Variants in EHMT1 observed in about 807,000 individuals in gnomAD.
EHMT1 encodes histone-lysine N-methyltransferase EHMT1.
A neutral mutation model predicts 147.2 loss-of-function variants in EHMT1; 15 were observed. The observed-to-expected ratio is 0.10, with a 90% CI of 0.07 to 0.16. The LOEUF is 0.16. Among genes scored for constraint, EHMT1 ranks in the 10% least tolerant of loss-of-function variants. The pLI is 1.00. For synonymous variants in EHMT1, 795 were observed against 709.6 expected (o/e 1.12, Z -1.91); for missense variants, 1,587 against 1,772.4 (o/e 0.90, Z 1.88).
At chr9:137,623,742 G>A (rs1032159645) in intron 1 of EHMT1, among the ~76,000 whole-genome samples, 7 of 152,256 alleles carry the variant, frequency 4.6e-5, no homozygotes, top group Non-Finnish European at 7.4e-5. Context: ...TATTCTGCCC[G>A]TGCGCTTAGT....
At chr9:137,699,457 G>A (rs1442844055) in intron 1 of EHMT1, among the ~76,000 whole-genome samples, 1 of 152,128 alleles carries the variant, frequency 6.6e-6, no homozygotes, top group Non-Finnish European at 1.5e-5. Context: ...CAGATCACTC[G>A]AGGTCAGGAG....
In EHMT1 at chr9:137,645,481, T is replaced by C. The variant is rs558211773; in HGVS notation, c.21+26432T>C. ...ATGAGAATGCACATGGCGTCTGCCTTGTACTTACAGAAGCCCTTGTGTCCT... is the reference window on the plus strand; with the variant it reads ...ATGAGAATGCACATGGCGTCTGCCTCGTACTTACAGAAGCCCTTGTGTCCT... On this transcript the variant is annotated intron_variant, in intron 1 of 26. Coordinates refer to ENST00000460843, the MANE Select transcript of EHMT1 (RefSeq NM_024757.5). Among the ~76,000 whole-genome samples, 29 of 152,362 alleles carry C rather than the reference T, an allele frequency of 1.9e-4. No homozygotes were observed. The East Asian group carries it at 3.7e-3, about 19-fold the overall frequency.
intron 1 of EHMT1, among the ~76,000 whole-genome samples, chr9:137,628,704 G>T (rs1843424384): frequency 6.6e-6 from 1 of 152,214 alleles, no homozygotes; most frequent in Admixed American, 6.6e-5. Context: ...TGGTCGGAAG[G>T]TTCTGGAGTC....
At chr9:137,720,974 G>A (rs1322769441) in intron 3 of EHMT1, among the ~76,000 whole-genome samples, 1 of 152,042 alleles carries the variant, frequency 6.6e-6, no homozygotes, top group South Asian at 2.1e-4. Context: ...CACGCCCACC[G>A]GCGATGTTGC....
At chr9:137,666,698 T>C (rs1040776680) in intron 1 of EHMT1, among the ~76,000 whole-genome samples, 2 of 152,164 alleles carry the variant, frequency 1.3e-5, no homozygotes, top group Non-Finnish European at 2.9e-5. Flanking sequence ...GTAGTCCCCG[T>C]CCACACGTGT....
chr9:137,684,031 TTTG>T (rs1270424035), intron 1 of EHMT1, among the ~76,000 whole-genome samples: 2 of 150,584 alleles, frequency 1.3e-5, no homozygotes, highest in African/African-American at 5.0e-5. Flanking sequence ...TGTTTGTTTG[TTTG>T]TTTTTTTGCT....
chr9:137,760,869 G>A lies in EHMT1; in HGVS notation c.1502-1806G>A, dbSNP rs147249966. Among the ~76,000 whole-genome samples the A allele has an allele frequency of 3.5e-3, 537 of 152,318 alleles. 5 individuals are homozygous for A. Among genetic ancestry groups the A allele is most frequent in the African/African-American group, 0.012 (514 of 41,570 alleles). Reference sequence around the variant, plus strand: ...CTGAAATACAAAAAATTAGCCAGGCGTGGTGGCGGGCGCCTGTAGTCCCAG... The same window carrying A: ...CTGAAATACAAAAAATTAGCCAGGCATGGTGGCGGGCGCCTGTAGTCCCAG... On this transcript the variant is annotated intron_variant, in intron 9 of 26. Coordinates refer to ENST00000460843, the MANE Select transcript of EHMT1 (RefSeq NM_024757.5).
At chr9:137,682,098 C>T (rs1427692037) in intron 1 of EHMT1, among the ~76,000 whole-genome samples, 1 of 151,860 alleles carries the variant, frequency 6.6e-6, no homozygotes. Flanking sequence ...CTACAGGCGC[C>T]CCCACCACGC....
chr9:137,619,816 C>T (rs1054096953), intron 1 of EHMT1, among the ~76,000 whole-genome samples: 7 of 152,046 alleles, frequency 4.6e-5, no homozygotes, highest in African/African-American at 1.4e-4. Context: ...AGATTAAAGT[C>T]TTGCGAGTGG....
At chr9:137,809,634 C>G (rs1014742343) in intron 18 of EHMT1, among the ~76,000 whole-genome samples, 4 of 152,264 alleles carry the variant, frequency 2.6e-5, no homozygotes, top group African/African-American at 9.6e-5. Flanking sequence ...ACCAGCAGAG[C>G]AGAACACACT....
At chr9:137,631,725 A>C (rs1458174980) in intron 1 of EHMT1, among the ~76,000 whole-genome samples, 2 of 151,958 alleles carry the variant, frequency 1.3e-5, no homozygotes, top group Non-Finnish European at 2.9e-5. Context: ...AAAATAATGA[A>C]AAATTAGTTG....
In EHMT1 at chr9:137,779,651, T is replaced by C. The variant is rs757661715; in HGVS notation, c.2209T>C (p.Phe737Leu). ...LDSEKPKKLR[F>L]HPKQLYFSAR... Reference sequence around the variant, plus strand: ...TTCCCACAGACCCAAGAAGCTTCGCTTCCACCCAAAGCAGCTGTACTTCTC... The same window carrying C: ...TTCCCACAGACCCAAGAAGCTTCGCCTCCACCCAAAGCAGCTGTACTTCTC... Residue 737 changes from phenylalanine to leucine, a missense_variant, in exon 14 of 27, where the codon TTC becomes CTC. Transcript: ENST00000460843. 1 of 1,613,964 alleles carries C rather than the reference T, an allele frequency of 6.2e-7. No individual in the cohort carries two copies. The highest frequency in any genetic ancestry group is 8.5e-7 in the Non-Finnish European group (1 of 1,180,040).
intron 4 of EHMT1, among the ~76,000 whole-genome samples, chr9:137,728,828 G>A (rs1946849383): frequency 6.6e-6 from 1 of 152,174 alleles, no homozygotes; most frequent in African/African-American, 2.4e-5. Context: ...CCCTGGAGTT[G>A]GAAGCTTTCC....
intron 1 of EHMT1, among the ~76,000 whole-genome samples, chr9:137,624,088 C>A (rs184216290): frequency 6.6e-6 from 1 of 150,856 alleles, no homozygotes; most frequent in Non-Finnish European, 1.5e-5. Context: ...CAACCTCCGT[C>A]TCCTGGGCTC....
intron 1 of EHMT1, among the ~76,000 whole-genome samples, chr9:137,677,864 C>T (rs933398823): frequency 4.6e-5 from 7 of 151,420 alleles, no homozygotes; most frequent in Middle Eastern, 3.4e-3. Flanking sequence ...TGAGACCATC[C>T]TGGCTAATAC....
chr9:137,689,794 G>A lies in EHMT1; in HGVS notation c.22-21173G>A, dbSNP rs77064643. Among the ~76,000 whole-genome samples the A allele has an allele frequency of 7.1e-3, 1,082 of 152,358 alleles. 6 individuals are homozygous for A. The highest frequency in any genetic ancestry group is 0.01 in the Non-Finnish European group (705 of 68,040). Reference sequence around the variant, plus strand: ...ATGTGTGAATAAAGAGCTAAGGAGGGTGAGAGAGATAAGCTGCATAGACAT... The same window carrying A: ...ATGTGTGAATAAAGAGCTAAGGAGGATGAGAGAGATAAGCTGCATAGACAT... On this transcript the variant is annotated intron_variant, in intron 1 of 26. Transcript: ENST00000460843.
At chr9:137,677,910 G>GAAA in intron 1 of EHMT1, among the ~76,000 whole-genome samples, 1 of 140,196 alleles carries the variant, frequency 7.1e-6, no homozygotes, top group South Asian at 2.3e-4. Context: ...TACAAAAAAA[G>GAAA]AAAAAAAAAA....
intron 18 of EHMT1, 26 bp from the exon 19 acceptor site, chr9:137,811,435 C>A: frequency 6.2e-7 from 1 of 1,611,498 alleles, no homozygotes. Context: ...GAAGCCTGCA[C>A]TGAGCTCTGG....
chr9:137,655,904 A>G (rs1433297744), intron 1 of EHMT1, among the ~76,000 whole-genome samples: 3 of 152,176 alleles, frequency 2.0e-5, no homozygotes, highest in Non-Finnish European at 4.4e-5. Context: ...GTTGGGGACC[A>G]CTGTTTTAAA....
Sources: gnomAD v4.1 joint callset for allele counts (sites outside exome capture counted in the v4.1 genomes callset) on GRCh38, gnomAD v4.1.1 for gene constraint, MANE v1.5 for transcripts, NCBI Gene and HGNC (gene_info 2026-07-23, HGNC 2026-07-21) for gene names.